CTNND2: variants seen among roughly 807,000 people sequenced by gnomAD.
CTNND2 encodes catenin delta-2.
CTNND2 carries 22 observed loss-of-function variants against 144.4 expected under a neutral mutation model. The observed-to-expected ratio is 0.15, with a 90% CI of 0.11 to 0.22. CTNND2 has a LOEUF of 0.22. Ranked by LOEUF, CTNND2 falls within the 10% of genes least tolerant of loss-of-function variation. The probability of loss-of-function intolerance (pLI) is 1.00; values close to 1 mark genes in which losing one functional copy is unlikely to be tolerated. For missense variants in CTNND2, 1,353 were observed against 1,618.8 expected (o/e 0.84, Z 2.82); for synonymous variants, 751 against 695.6 (o/e 1.08, Z -1.25).
chr5:11,816,659 GA>G (rs1286100013), intron 1 of CTNND2, among the ~76,000 whole-genome samples: 3 of 8,076 alleles, frequency 3.7e-4, no homozygotes, highest in African/African-American at 1.0e-3. Context: ...GAGAGAGAGA[GA>G]GAGGAGGAGA....
At chr5:11,480,107 G>A (rs1561454574) in intron 3 of CTNND2, among the ~76,000 whole-genome samples, 3 of 152,084 alleles carry the variant, frequency 2.0e-5, no homozygotes, top group South Asian at 4.1e-4. Flanking sequence ...GAATGGTATT[G>A]CCTATGTTGT....
intron 16 of CTNND2, among the ~76,000 whole-genome samples, chr5:11,044,997 G>A (rs944767099): frequency 6.6e-6 from 1 of 152,172 alleles, no homozygotes; most frequent in Non-Finnish European, 1.5e-5. Flanking sequence ...ATTACAAACA[G>A]GGTGACATAA....
intron 12 of CTNND2, among the ~76,000 whole-genome samples, chr5:11,150,341 C>T (rs972853383): frequency 5.9e-5 from 9 of 152,072 alleles, no homozygotes; most frequent in Non-Finnish European, 1.2e-4. Flanking sequence ...CGCACAGTGA[C>T]GGGACAAAGT....
chr5:11,209,568 CA>C (rs1203299898), intron 10 of CTNND2, among the ~76,000 whole-genome samples: 1 of 152,112 alleles, frequency 6.6e-6, no homozygotes, highest in Non-Finnish European at 1.5e-5. Flanking sequence ...TATGAGATTT[CA>C]AGAATGAATG....
chr5:11,721,347 T>C (rs1786665509), intron 2 of CTNND2, among the ~76,000 whole-genome samples: 1 of 151,754 alleles, frequency 6.6e-6, no homozygotes, highest in African/African-American at 2.4e-5. Flanking sequence ...GGGAACAGTA[T>C]GGTATGTGAG....
chr5:11,498,667 C>T lies in CTNND2; in HGVS notation c.287+66277G>A, dbSNP rs920292626. On this transcript the variant is annotated intron_variant, in intron 3 of 21. Coordinates refer to ENST00000304623, the MANE Select transcript of CTNND2 (RefSeq NM_001332.4). ...TCCCTTCCATACAGCCAATAAAATG[C>T]TGGCAGTTAAAGCTGCTGCTTTGGC... Among the ~76,000 whole-genome samples the T allele has an allele frequency of 4.6e-5, 7 of 152,306 alleles. No homozygotes were observed. In the East Asian group the frequency reaches 1.2e-3, roughly 25 times the overall value.
At chr5:11,516,708 A>T (rs1410250561) in intron 3 of CTNND2, among the ~76,000 whole-genome samples, 1 of 152,224 alleles carries the variant, frequency 6.6e-6, no homozygotes, top group Admixed American at 6.5e-5. Flanking sequence ...ATGTTCATGG[A>T]CAAGAAAAGT....
At chr5:11,418,662 CCATCCA>C (rs1436474362) in intron 3 of CTNND2, among the ~76,000 whole-genome samples, 3 of 152,146 alleles carry the variant, frequency 2.0e-5, no homozygotes, top group Non-Finnish European at 4.4e-5. Context: ...CAGTGGCAGA[CCATCCA>C]CATCAATTTG....
chr5:11,872,992 G>A (rs370112484), intron 1 of CTNND2, among the ~76,000 whole-genome samples: 9 of 152,224 alleles, frequency 5.9e-5, no homozygotes, highest in East Asian at 1.9e-4. Context: ...AGCCAAAATC[G>A]ACAAATGGGA....
Position 11,844,380 on chromosome 5 carries a change from G to GCACA in CTNND2, c.37+59433_37+59436dup, listed in dbSNP as rs140419072. ...CTGAAATACACACACACACACATAT[G>GCACA]CACACACACACACATACACACACAT... On this transcript the variant is annotated intron_variant, in intron 1 of 21. Coordinates refer to ENST00000304623, the MANE Select transcript of CTNND2 (RefSeq NM_001332.4). 2.7e-5 allele frequency among the ~76,000 whole-genome samples: 4 copies of GCACA among 149,528 alleles called. No homozygotes were observed. In the East Asian group the frequency reaches 7.8e-4, roughly 29 times the overall value.
intron 3 of CTNND2, among the ~76,000 whole-genome samples, chr5:11,488,361 G>A (rs1377879068): frequency 6.6e-6 from 1 of 152,016 alleles, no homozygotes; most frequent in African/African-American, 2.4e-5. Context: ...GTCATATCTC[G>A]CTACTTCTCT....
At chr5:11,815,670 G>A (rs1454822465) in intron 1 of CTNND2, among the ~76,000 whole-genome samples, 2 of 152,032 alleles carry the variant, frequency 1.3e-5, no homozygotes, top group Admixed American at 6.6e-5. Context: ...AAGTACCAGC[G>A]CTTGTGCCAG....
At chr5:11,887,702 T>C (rs1736659097) in intron 1 of CTNND2, among the ~76,000 whole-genome samples, 1 of 152,200 alleles carries the variant, frequency 6.6e-6, no homozygotes, top group Admixed American at 6.5e-5. Context: ...TCCCTAAAGT[T>C]CTTTTACTAT....
At chr5:11,184,845 T>C (rs1735454745) in intron 11 of CTNND2, among the ~76,000 whole-genome samples, 1 of 152,146 alleles carries the variant, frequency 6.6e-6, no homozygotes, top group East Asian at 1.9e-4. Flanking sequence ...TCTAGAAGAA[T>C]TGTAGATTAA....
At chr5:11,183,386 A>C (rs1337423393) in intron 11 of CTNND2, among the ~76,000 whole-genome samples, 3 of 152,152 alleles carry the variant, frequency 2.0e-5, no homozygotes, top group Non-Finnish European at 4.4e-5. Flanking sequence ...ACGTGTCCTT[A>C]ATAAAGGATG....
At chr5:11,159,360 T>C (rs1758535762) in intron 12 of CTNND2, among the ~76,000 whole-genome samples, 1 of 152,238 alleles carries the variant, frequency 6.6e-6, no homozygotes, top group African/African-American at 2.4e-5. Context: ...TCATGTGAAG[T>C]AAGTCTAACA....
At chr5:10,994,206 C>A (rs1001010073) in intron 18 of CTNND2, among the ~76,000 whole-genome samples, 1 of 128,698 alleles carries the variant, frequency 7.8e-6, no homozygotes, top group African/African-American at 3.1e-5. Flanking sequence ...AAGGAAAAAC[C>A]AAGCCGGATT....
At chr5:11,864,409 A>G (rs999589559) in intron 1 of CTNND2, among the ~76,000 whole-genome samples, 6 of 152,234 alleles carry the variant, frequency 3.9e-5, no homozygotes, top group African/African-American at 1.4e-4. Flanking sequence ...TCCTCTGACC[A>G]TGATTCTTGC....
intron 3 of CTNND2, among the ~76,000 whole-genome samples, chr5:11,463,478 C>A (rs1766394296): frequency 6.6e-6 from 1 of 152,146 alleles, no homozygotes; most frequent in African/African-American, 2.4e-5. Flanking sequence ...TAATGTGCTT[C>A]TCAGTTATGT....
Sources: allele counts gnomAD v4.1 joint callset (sites outside exome capture counted in the v4.1 genomes callset), GRCh38; gene constraint gnomAD v4.1.1; transcripts MANE v1.5; gene names NCBI Gene and HGNC (gene_info 2026-07-23, HGNC 2026-07-21).